The following RAP1B variants were observed in gnomAD, a reference collection of about 807,000 sequenced individuals.
RAP1B encodes the protein ras-related protein Rap-1b.
A neutral mutation model predicts 27.5 loss-of-function variants in RAP1B; 1 was observed. The observed-to-expected ratio is 0.04, with a 90% confidence interval of 0.01 to 0.17. The LOEUF (loss-of-function observed/expected upper bound fraction) is 0.17, where lower values mean the gene tolerates loss of function less well. Among genes scored for constraint, RAP1B ranks in the 10% least tolerant of loss-of-function variants. RAP1B has a pLI of 1.00. For missense variants in RAP1B, 84 were observed against 214.8 expected (o/e 0.39, Z 3.81); for synonymous variants, 75 against 73.1 (o/e 1.03, Z -0.13).
In RAP1B at chr12:68,622,513, A is replaced by G. The variant is rs1224848000; in HGVS notation, c.-27+11470A>G. The stretch of plus-strand genomic sequence containing the variant: ...AGCCAGCTGTACTTCTTTCTGTGAC[A>G]ATCTTTTGCCAGCCCTCTGCAATTC... On this transcript the variant is annotated intron_variant, in intron 1 of 7. Transcript: ENST00000250559. 2.0e-5 allele frequency among the ~76,000 whole-genome samples: 3 copies of G among 152,168 alleles called. No individual in the cohort carries two copies. The East Asian group carries it at 5.8e-4, about 29-fold the overall frequency.
rs1874504574 is a variant in RAP1B at position 68,659,890 on chromosome 12, T to G, written c.*641T>G. Reference sequence around the variant, plus strand: ...TAGATTAAAGACGTTGCCTTTAATATCTGTTGGGAAGGAAATGTCCAGACT... The same window carrying G: ...TAGATTAAAGACGTTGCCTTTAATAGCTGTTGGGAAGGAAATGTCCAGACT... On this transcript the variant is annotated 3_prime_UTR_variant, in exon 8 of 8. Transcript: ENST00000250559. The G allele has an allele frequency of 6.6e-6, 1 of 151,996 alleles. No homozygotes were observed. The highest frequency in any genetic ancestry group is 6.6e-5 in the Admixed American group (1 of 15,232). The allele number at this position is 151,996 out of a possible 1,614,324, so 9.4% of individuals were successfully genotyped here.
chr12:68,666,528 T>C lies in RAP1B; in HGVS notation c.*7279T>C, dbSNP rs1023293332. Reference sequence around the variant, plus strand: ...TCCCATGGCATTATGCCACATCACATGTGCCTCTATCTTTGTATCTCCTCC... The same window carrying C: ...TCCCATGGCATTATGCCACATCACACGTGCCTCTATCTTTGTATCTCCTCC... On this transcript the variant is annotated 3_prime_UTR_variant, in exon 8 of 8. Transcript: ENST00000250559. 5.3e-5 allele frequency: 8 copies of C among 152,248 alleles called. No individual in the cohort carries two copies. Among genetic ancestry groups the C allele is most frequent in the African/African-American group, 1.9e-4 (8 of 41,474 alleles). 9.4% of individuals were successfully genotyped at this position (152,248 alleles called of 1,614,324 possible).
chr12:68,627,359 G>A (rs1479545606), intron 1 of RAP1B: 5 of 700,252 alleles, frequency 7.1e-6, no homozygotes, highest in Non-Finnish European at 1.3e-5. Flanking sequence ...GAACTCAGTT[G>A]GCTTAATAGG....
rs958079956 is a variant in RAP1B at position 68,668,155 on chromosome 12, C to A, written c.*8906C>A. On this transcript the variant is annotated 3_prime_UTR_variant, in exon 8 of 8. Transcript: ENST00000250559. ...GAATTAATGACTTGGTTGCCCTAGG[C>A]CCCCCGTCAAGGCTTTTGTTCAAGG... 1.3e-5 allele frequency: 2 copies of A among 152,158 alleles called. No homozygotes were observed. Among genetic ancestry groups the A allele is most frequent in the African/African-American group, 4.8e-5 (2 of 41,420 alleles). The allele number at this position is 152,158 out of a possible 1,614,324, so 9.4% of individuals were successfully genotyped here.
chr12:68,650,522 T>C, intron 3 of RAP1B, 54 bp downstream of exon 3: 1 of 1,286,528 alleles, frequency 7.8e-7, no homozygotes, highest in South Asian at 1.6e-5. Context: ...AAATACTTAT[T>C]TTAGCTTTAT....
rs1322610494 is a variant in RAP1B at position 68,662,871 on chromosome 12, G to A, written c.*3622G>A. The A allele has an allele frequency of 6.6e-6, 1 of 151,810 alleles. No homozygotes were observed. Among genetic ancestry groups the A allele is most frequent in the East Asian group, 1.9e-4 (1 of 5,178 alleles). The allele number at this position is 151,810 out of a possible 1,614,324, so 9.4% of individuals were successfully genotyped here. A position where few individuals can be genotyped will look rare whatever the true frequency, so the allele number is the denominator to read the frequency against. On this transcript the variant is annotated 3_prime_UTR_variant, in exon 8 of 8. Coordinates refer to ENST00000250559, the MANE Select transcript of RAP1B (RefSeq NM_001010942.3). The stretch of plus-strand genomic sequence containing the variant: ...TAATTAGCTGGGCATGGTGGTGCAC[G>A]TCTGTACCTGTAGTCCCAGCTATTC...
chr12:68,626,807 T>TGTTA (rs1302063252), intron 1 of RAP1B: 1 of 1,442,282 alleles, frequency 6.9e-7, no homozygotes, highest in Non-Finnish European at 9.5e-7. Context: ...TTTGTTTGTT[T>TGTTA]TGGGTGGACA....
chr12:68,671,509 A>T lies in RAP1B; in HGVS notation c.*12260A>T, dbSNP rs1174673701. The T allele has an allele frequency of 1.3e-5, 2 of 152,234 alleles. No individual in the cohort carries two copies. Among genetic ancestry groups the T allele is most frequent in the African/African-American group, 2.4e-5 (1 of 41,458 alleles). The allele number at this position is 152,234 out of a possible 1,614,324, so 9.4% of individuals were successfully genotyped here. On this transcript the variant is annotated 3_prime_UTR_variant, in exon 8 of 8. Transcript: ENST00000250559. ...AAATGAGTTTGATGTTTAAAGGTTG[A>T]CTTAGAAGGATTCCCGTGCAAAGTG...
At chr12:68,656,278 A>C in intron 5 of RAP1B, 28 bp from the exon 6 acceptor site, 1 of 1,565,464 alleles carries the variant, frequency 6.4e-7, no homozygotes. Context: ...TTACTTATTT[A>C]TTTTTACTCT....
At chr12:68,657,033 A>G (rs2135970539) in intron 6 of RAP1B, 68 bp from the exon 7 acceptor site, 5 of 1,322,558 alleles carry the variant, frequency 3.8e-6, no homozygotes, top group East Asian at 4.6e-5. Context: ...TGTTTTTTCA[A>G]TTTACTTTTT....
At chr12:68,641,377 G>A (rs1872991685) in intron 1 of RAP1B, among the ~76,000 whole-genome samples, 1 of 152,182 alleles carries the variant, frequency 6.6e-6, no homozygotes, top group South Asian at 2.1e-4. Flanking sequence ...AATGCCAAAG[G>A]AGGTTTTGTT....
rs11177318 is a variant in RAP1B at position 68,634,349 on chromosome 12, C to T, written c.-26-14350C>T. ...GGAAATGAGACACAGTTTAAAATAA[C>T]GAGACCAAAGCCACTCAAGTAGAAC... On this transcript the variant is annotated intron_variant, in intron 1 of 7. Transcript: ENST00000250559. 3.9e-5 allele frequency among the ~76,000 whole-genome samples: 6 copies of T among 152,240 alleles called. No homozygotes were observed. In the East Asian group the frequency reaches 7.7e-4, roughly 20 times the overall value.
rs886165771 is a variant in RAP1B at position 68,662,894 on chromosome 12, T to G, written c.*3645T>G. ...ACGTCTGTACCTGTAGTCCCAGCTA[T>G]TCAGAAGGATTGCTTGATCCCAGGA... On this transcript the variant is annotated 3_prime_UTR_variant, in exon 8 of 8. Transcript: ENST00000250559. 1.3e-5 allele frequency: 2 copies of G among 151,976 alleles called. No individual in the cohort carries two copies. Among genetic ancestry groups the G allele is most frequent in the African/African-American group, 4.8e-5 (2 of 41,356 alleles). 9.4% of individuals were successfully genotyped at this position (151,976 alleles called of 1,614,324 possible).
At chr12:68,657,041 T>C (rs1592471069) in intron 6 of RAP1B, 60 bp from the exon 7 acceptor site, 6 of 1,383,740 alleles carry the variant, frequency 4.3e-6, no homozygotes, top group Middle Eastern at 2.1e-4. Flanking sequence ...CAATTTACTT[T>C]TTTCATTGGG....
chr12:68,645,664 A>G (rs1272356049), intron 1 of RAP1B, among the ~76,000 whole-genome samples: 2 of 152,218 alleles, frequency 1.3e-5, no homozygotes, highest in African/African-American at 4.8e-5. Context: ...TTTTCTGCAA[A>G]ACTAGATGCA....
chr12:68,654,042 G>A (rs964672313), intron 4 of RAP1B, 70 bp from the exon 5 acceptor site: 1 of 1,299,514 alleles, frequency 7.7e-7, no homozygotes, highest in African/African-American at 1.5e-5. Flanking sequence ...TATAATTATA[G>A]ACTGTGAAAA....
At chr12:68,652,105 A>T in intron 4 of RAP1B, 54 bp downstream of exon 4, 1 of 1,352,594 alleles carries the variant, frequency 7.4e-7, no homozygotes, top group Non-Finnish European at 1.0e-6. Context: ...TATTGACTTC[A>T]TAAATGCTAG....
At chr12:68,656,531 A>C (rs1874217029) in intron 6 of RAP1B, 82 bp downstream of exon 6, 1 of 1,391,132 alleles carries the variant, frequency 7.2e-7, no homozygotes, top group Admixed American at 1.7e-5. Context: ...ACCCCAAGTT[A>C]ATATGTACTC....
At chr12:68,637,228 A>T (rs1872686747) in intron 1 of RAP1B, among the ~76,000 whole-genome samples, 1 of 152,296 alleles carries the variant, frequency 6.6e-6, no homozygotes, top group East Asian at 1.9e-4. Context: ...TAAATCTTTA[A>T]TAAACAGTGT....
Sources: allele counts gnomAD v4.1 joint callset (sites outside exome capture counted in the v4.1 genomes callset), GRCh38; gene constraint gnomAD v4.1.1; transcripts MANE v1.5; gene names NCBI Gene and HGNC (gene_info 2026-07-23, HGNC 2026-07-21).